The following TRHDE variants were observed in gnomAD, a reference collection of about 807,000 sequenced individuals.
TRHDE encodes the protein thyrotropin releasing hormone degrading enzyme.
TRHDE carries 72 observed loss-of-function variants against 125.7 expected under a neutral mutation model. That is an observed-to-expected ratio of 0.57 (90% CI 0.47 to 0.70). TRHDE has a LOEUF of 0.70. Among genes scored for constraint, TRHDE ranks in the 30% least tolerant of loss-of-function variants. TRHDE has a pLI of 0.00. For synonymous variants in TRHDE, 509 were observed against 509.1 expected, an observed-to-expected ratio of 1.00 and a Z score of 0.00; for missense variants, 1,110 against 1,327.1, an observed-to-expected ratio of 0.84 and a Z score of 2.54.
At chr12:72,119,424 T>C (rs1001697974) in intron 2 of TRHDE, among the ~76,000 whole-genome samples, 2 of 152,204 alleles carry the variant, frequency 1.3e-5, no homozygotes, top group Non-Finnish European at 2.9e-5. Context: ...TTGAATTTTT[T>C]GAATGTTTTA....
chr12:72,384,426 A>G (rs943444413), intron 3 of TRHDE, among the ~76,000 whole-genome samples: 8 of 152,224 alleles, frequency 5.3e-5, no homozygotes, highest in African/African-American at 1.9e-4. Context: ...GACTCGCACA[A>G]TATGGAATAT....
chr12:72,409,627 A>G (rs1170507657), intron 3 of TRHDE, among the ~76,000 whole-genome samples: 4 of 152,160 alleles, frequency 2.6e-5, no homozygotes, highest in Non-Finnish European at 5.9e-5. Flanking sequence ...TATGGATGTA[A>G]ATGTGACAGA....
At chr12:72,119,770 T>C (rs1246725378) in intron 2 of TRHDE, among the ~76,000 whole-genome samples, 1 of 152,238 alleles carries the variant, frequency 6.6e-6, no homozygotes. Context: ...AATTGACTCC[T>C]TAATCATTAT....
intron 2 of TRHDE, among the ~76,000 whole-genome samples, chr12:72,200,036 G>C (rs2628421): frequency 0.039 from 6,001 of 152,240 alleles, 274 homozygotes; most frequent in African/African-American, 0.11. Context: ...TCTCCCAGCT[G>C]AATGTAGGGT....
At chr12:72,577,247 G>A (rs185226836) in intron 12 of TRHDE, among the ~76,000 whole-genome samples, 16 of 152,132 alleles carry the variant, frequency 1.1e-4, no homozygotes, top group Non-Finnish European at 2.1e-4. Context: ...CATTAGCTAA[G>A]AATTATTTAG....
chr12:72,573,203 G>A (rs1056110496), intron 10 of TRHDE, among the ~76,000 whole-genome samples: 5 of 151,712 alleles, frequency 3.3e-5, no homozygotes, highest in East Asian at 1.9e-4. Context: ...TTCATTCACC[G>A]AATTCAGACA....
chr12:72,664,250 G>C lies in TRHDE; in HGVS notation c.*1055G>C. 6.6e-6 allele frequency: 1 copy of C among 152,582 alleles called. No homozygotes were observed. The highest frequency in any genetic ancestry group is 1.9e-4 in the East Asian group (1 of 5,162). The allele number at this position is 152,582 out of a possible 1,614,324, so 9.5% of individuals were successfully genotyped here. A position where few individuals can be genotyped will look rare whatever the true frequency, so the allele number is the denominator to read the frequency against. On this transcript the variant is annotated 3_prime_UTR_variant, in exon 19 of 19. Coordinates refer to ENST00000261180, the MANE Select transcript of TRHDE (RefSeq NM_013381.3). Reference sequence around the variant, plus strand: ...TTATAATTATTAGTGCTGAAAAAGAGTTTATTTTCCATCTTGTTTGTTTTC... The same window carrying C: ...TTATAATTATTAGTGCTGAAAAAGACTTTATTTTCCATCTTGTTTGTTTTC...
At chr12:72,593,114 G>A (rs145879827) in intron 12 of TRHDE, among the ~76,000 whole-genome samples, 139 of 152,250 alleles carry the variant, frequency 9.1e-4, no homozygotes, top group African/African-American at 3.0e-3. Flanking sequence ...TCATTTTTGG[G>A]ATCTCCTACT....
At chr12:72,614,330 A>ATATATATATATATATATT (rs531067163) in intron 12 of TRHDE, among the ~76,000 whole-genome samples, 1 of 129,842 alleles carries the variant, frequency 7.7e-6, no homozygotes, top group African/African-American at 3.1e-5. Context: ...ATATATATAT[A>ATATATATATATATATATT]TTTTTTTTTT....
intron 7 of TRHDE, among the ~76,000 whole-genome samples, chr12:72,559,098 TTAC>T (rs1293456785): frequency 2.6e-5 from 4 of 152,158 alleles, no homozygotes; most frequent in African/African-American, 9.7e-5. Flanking sequence ...GAGACAAATA[TTAC>T]GGTTTTCATG....
chr12:72,478,890 G>GAGACTGAAT (rs1391890832), intron 5 of TRHDE, among the ~76,000 whole-genome samples: 1 of 128,796 alleles, frequency 7.8e-6, no homozygotes, highest in African/African-American at 3.0e-5. Context: ...CTAACCAGTG[G>GAGACTGAAT]AGACTGAATA....
chr12:72,183,050 A>G (rs1348229190), intron 2 of TRHDE, among the ~76,000 whole-genome samples: 1 of 152,194 alleles, frequency 6.6e-6, no homozygotes, highest in African/African-American at 2.4e-5. Flanking sequence ...TGACATTTCT[A>G]TCCCCATGAG....
chr12:72,127,932 C>T (rs534878482), intron 2 of TRHDE, among the ~76,000 whole-genome samples: 1 of 152,078 alleles, frequency 6.6e-6, no homozygotes, highest in Admixed American at 6.5e-5. Context: ...GGAAGACTCC[C>T]TGAGTGCAAG....
intron 2 of TRHDE, among the ~76,000 whole-genome samples, chr12:72,333,573 A>C (rs1869699763): frequency 6.6e-6 from 1 of 152,234 alleles, no homozygotes; most frequent in African/African-American, 2.4e-5. Context: ...GGGCGATAGG[A>C]ACCCAGGAGA....
chr12:72,166,505 T>C (rs1050128624), intron 2 of TRHDE, among the ~76,000 whole-genome samples: 27 of 152,354 alleles, frequency 1.8e-4, no homozygotes, highest in African/African-American at 6.3e-4. Flanking sequence ...AGGGACTAGA[T>C]ATCTATATGA....
intron 2 of TRHDE, among the ~76,000 whole-genome samples, chr12:72,219,782 G>C (rs1266476003): frequency 6.6e-6 from 1 of 152,098 alleles, no homozygotes; most frequent in Non-Finnish European, 1.5e-5. Flanking sequence ...GTTCACTGGA[G>C]GTCTGCTGAG....
chr12:72,105,560 G>T (rs1243319963), intron 1 of TRHDE: 2 of 152,070 alleles, frequency 1.3e-5, no homozygotes, highest in Admixed American at 6.5e-5. Context: ...AACACTCCGG[G>T]TCAGGAATTA....
chr12:72,617,457 G>A (rs1440279558), intron 12 of TRHDE, among the ~76,000 whole-genome samples: 1 of 152,104 alleles, frequency 6.6e-6, no homozygotes, highest in Non-Finnish European at 1.5e-5. Flanking sequence ...TAACGAAGAT[G>A]AAAAAGTCTC....
At chr12:72,644,445 A>G (rs1328819281) in intron 15 of TRHDE, among the ~76,000 whole-genome samples, 1 of 151,600 alleles carries the variant, frequency 6.6e-6, no homozygotes, top group Admixed American at 6.6e-5. Context: ...GAGATGCCAT[A>G]TTTTTTTTTC....
Sources: allele counts gnomAD v4.1 joint callset (sites outside exome capture counted in the v4.1 genomes callset), GRCh38; gene constraint gnomAD v4.1.1; transcripts MANE v1.5; gene names NCBI Gene and HGNC (gene_info 2026-07-23, HGNC 2026-07-21).